The following MLXIPL variants were observed in gnomAD, a reference collection of about 807,000 sequenced individuals.
The protein encoded by MLXIPL is MLX interacting protein like.
MLXIPL carries 49 observed loss-of-function variants against 81.5 expected under a neutral mutation model. That is an observed-to-expected ratio of 0.60 (90% CI 0.48 to 0.76). MLXIPL has a LOEUF of 0.76. Ranked by LOEUF, MLXIPL falls within the 30% of genes least tolerant of loss-of-function variation. The pLI, the probability that MLXIPL is intolerant of heterozygous loss-of-function variation, is 0.00. For missense variants in MLXIPL, 1,053 were observed against 1,167.0 expected (o/e 0.90, Z 1.42); for synonymous variants, 466 against 485.5 (o/e 0.96, Z 0.53).
At chr7:73,632,029 A>G in the MLXIPL span, among the ~76,000 whole-genome samples, 1 of 145,774 alleles carries the variant, frequency 6.9e-6, no homozygotes, top group South Asian at 2.1e-4. Flanking sequence ...TCCCTCAGTC[A>G]CCTAGGTTGC....
At chr7:73,624,687 G>T, upstream of MLXIPL, 6 of 1,149,606 alleles carry the variant, frequency 5.2e-6, no homozygotes, top group East Asian at 3.1e-5. Context: ...GAGCTCTGGC[G>T]GGTTGGCCCC....
At chr7:73,597,907 T>C (rs1382508624) in intron 8 of MLXIPL, among the ~76,000 whole-genome samples, 194 bp from the exon 9 acceptor site, 1 of 152,068 alleles carries the variant, frequency 6.6e-6, no homozygotes, top group Non-Finnish European at 1.5e-5. Context: ...GAAATTACAA[T>C]GAGAGGAGGG....
chr7:73,603,674 G>A (rs1034781411), intron 7 of MLXIPL, among the ~76,000 whole-genome samples: 3 of 152,182 alleles, frequency 2.0e-5, no homozygotes, highest in African/African-American at 4.8e-5. Context: ...TCGATGAGAC[G>A]GGCTGAGCCT....
intron 5 of MLXIPL, chr7:73,606,557 C>G: frequency 3.2e-6 from 1 of 313,650 alleles, no homozygotes; most frequent in Non-Finnish European, 6.1e-6. Flanking sequence ...TCCTGAGTAG[C>G]TGGGATTGCA....
chr7:73,612,048 C>T (rs17145750), intron 2 of MLXIPL, among the ~76,000 whole-genome samples: 20,122 of 151,550 alleles, frequency 0.13, 1,385 homozygotes, highest in Non-Finnish European at 0.16. Context: ...TGTCCTGGTA[C>T]GGTGTGGTGG....
the MLXIPL span, among the ~76,000 whole-genome samples, chr7:73,645,526 G>A: frequency 2.6e-5 from 4 of 152,158 alleles, no homozygotes; most frequent in Non-Finnish European, 4.4e-5. Context: ...TGGGTGAGGT[G>A]GGCGCAGGAC....
At chr7:73,641,709 A>G in the MLXIPL span, among the ~76,000 whole-genome samples, 1 of 151,946 alleles carries the variant, frequency 6.6e-6, no homozygotes, top group Non-Finnish European at 1.5e-5. Flanking sequence ...GCTCACTGCA[A>G]CCTGCAACCT....
chr7:73,627,780 G>A (rs1796775720), upstream of MLXIPL, among the ~76,000 whole-genome samples: 1 of 151,826 alleles, frequency 6.6e-6, no homozygotes, highest in Admixed American at 6.6e-5. Flanking sequence ...GGAGGAGGTT[G>A]GATAGGAAGT....
At position 73,595,655 on chromosome 7, in the gene MLXIPL, G is replaced by A. The variant is rs781955776; in HGVS notation, c.2292C>T (p.His764=). Residue 764 remains histidine, a synonymous_variant, in exon 15 of 17, where the codon CAC becomes CAT. Transcript: ENST00000313375. ...AGGATACCACCCAGAACTTCCAGTTGTGCAGCGTACGGGTTCGGACGTAGT... is the reference window on the plus strand; with the variant it reads ...AGGATACCACCCAGAACTTCCAGTTATGCAGCGTACGGGTTCGGACGTAGT... ...FDDYVRTRTL[H]NWKFWVFSIL... 6.2e-7 allele frequency: 1 copy of A among 1,614,194 alleles called. No homozygotes were observed. The highest frequency in any genetic ancestry group is 8.5e-7 in the Non-Finnish European group (1 of 1,180,018).
At chr7:73,600,908 G>A (rs1417734859) in intron 7 of MLXIPL, among the ~76,000 whole-genome samples, 3 of 151,954 alleles carry the variant, frequency 2.0e-5, no homozygotes, top group East Asian at 1.9e-4. Context: ...CCTGGGCGCC[G>A]CCCGCCCACC....
Position 73,596,580 on chromosome 7 carries a change from C to G in MLXIPL, c.1822+59G>C. 6.3e-7 allele frequency: 1 copy of G among 1,598,984 alleles called. No homozygotes were observed. The highest frequency in any genetic ancestry group is 1.7e-5 in the Admixed American group (1 of 57,664). On this transcript the variant is annotated intron_variant, in intron 11 of 16. Transcript: ENST00000313375. The surrounding 1 kb of genome is among the most constrained non-coding windows in gnomAD (Gnocchi z 4.7). ...TGGCCCCAGACCCAGTCCCCTTCTT[C>G]TTCCTCCTCTTCCCCTCATCCCCTA... is the stretch of plus-strand genomic sequence containing the variant.
chr7:73,626,704 CA>C (rs1178429406), upstream of MLXIPL, among the ~76,000 whole-genome samples: 1 of 152,140 alleles, frequency 6.6e-6, no homozygotes, highest in African/African-American at 2.4e-5. Flanking sequence ...CTCTGAGGGG[CA>C]GCAGCAAAGC....
chr7:73,602,122 G>GCCTTCCTTCCTT (rs1419749580), intron 7 of MLXIPL, among the ~76,000 whole-genome samples: 651 of 59,560 alleles, frequency 0.011, 3 homozygotes, highest in Admixed American at 0.019. Context: ...CTGCCTGCCT[G>GCCTTCCTTCCTT]CCTGCCTGCC....
At chr7:73,644,366 T>C in the MLXIPL span, among the ~76,000 whole-genome samples, 1 of 152,034 alleles carries the variant, frequency 6.6e-6, no homozygotes, top group Non-Finnish European at 1.5e-5. Context: ...CCCGCCAACA[T>C]GCCCGGCTAA....
intron 1 of MLXIPL, among the ~76,000 whole-genome samples, chr7:73,622,031 C>T: frequency 1.7e-5 from 2 of 120,940 alleles, no homozygotes; most frequent in East Asian, 2.3e-4. Context: ...CTCCCTCCCT[C>T]CCTCCCTTCC....
intron 1 of MLXIPL, 38 bp downstream of exon 1, chr7:73,624,162 T>G: frequency 5.8e-5 from 27 of 469,346 alleles, no homozygotes; most frequent in Non-Finnish European, 8.0e-5. Flanking sequence ...CATCCCCACC[T>G]GGAAGCCAAG....
rs532642297 is a variant in MLXIPL, at chr7:73,623,189, C to G, written c.293+1011G>C. On this transcript the variant is annotated intron_variant, in intron 1 of 16. Transcript: ENST00000313375. The surrounding 1 kb of genome is among the most constrained non-coding windows in gnomAD (Gnocchi z 5.7). ...TCCCCTCACAGTCCCCACCCCAGCTCCTGCTCCCCCGCAGGGCGGCAGGTG... is the reference window on the plus strand; with the variant it reads ...TCCCCTCACAGTCCCCACCCCAGCTGCTGCTCCCCCGCAGGGCGGCAGGTG... 9.2e-5 allele frequency among the ~76,000 whole-genome samples: 14 copies of G among 152,352 alleles called. No homozygotes were observed. The highest frequency in any genetic ancestry group is 3.4e-3 in the Middle Eastern group (1 of 294).
chr7:73,634,386 T>A, the MLXIPL span, among the ~76,000 whole-genome samples: 1 of 151,964 alleles, frequency 6.6e-6, no homozygotes, highest in African/African-American at 2.4e-5. Flanking sequence ...AAATAATTAT[T>A]TACTTTAAAA....
In MLXIPL at chr7:73,613,875, G is replaced by A. The variant is rs987731071; in HGVS notation, c.400+2196C>T. 9.9e-5 allele frequency among the ~76,000 whole-genome samples: 15 copies of A among 152,248 alleles called. 1 individual carries two copies. Among genetic ancestry groups the A allele is most frequent in the African/African-American group, 3.6e-4 (15 of 41,550 alleles). On this transcript the variant is annotated intron_variant, in intron 2 of 16. Coordinates refer to ENST00000313375, the MANE Select transcript of MLXIPL (RefSeq NM_032951.3). ...CTGCAGGCTGGGTGTGGTGGCTCAC[G>A]CCTATAACCCCAGCTCTTTGGGAGG...
Sources: gnomAD v4.1 joint callset for allele counts (sites outside exome capture counted in the v4.1 genomes callset) on GRCh38, gnomAD v4.1.1 for gene constraint, Gnocchi (gnomAD v3.1) non-coding constraint, MANE v1.5 for transcripts, NCBI Gene and HGNC (gene_info 2026-07-23, HGNC 2026-07-21) for gene names.